Variants in CRHR2 observed in about 807,000 individuals in gnomAD.
CRHR2 encodes the protein corticotropin releasing hormone receptor 2, also known as corticotropin-releasing hormone receptor 2.
A neutral mutation model predicts 57.9 loss-of-function variants in CRHR2; 53 were observed. That is an observed-to-expected ratio of 0.92 (90% CI 0.73 to 1.15). The LOEUF is 1.15. Ranked by LOEUF, CRHR2 falls within the 50% of genes most tolerant of loss-of-function variation. CRHR2 has a pLI of 0.00. For synonymous variants in CRHR2, 213 were observed against 220.9 expected (o/e 0.96, Z 0.32); for missense variants, 532 against 542.6 (o/e 0.98, Z 0.19).
chr7:30,654,359 T>C (rs1783694399), intron 11 of CRHR2, among the ~76,000 whole-genome samples: 1 of 152,202 alleles, frequency 6.6e-6, no homozygotes, highest in African/African-American at 2.4e-5. Flanking sequence ...GCAAGTGGAA[T>C]GTGCTATCAT....
chr7:30,684,643 TGG>T (rs1008057874), upstream of CRHR2, among the ~76,000 whole-genome samples: 10 of 152,340 alleles, frequency 6.6e-5, no homozygotes, highest in African/African-American at 2.4e-4. Context: ...AATGAGCAGT[TGG>T]GGTCTGAGCA....
chr7:30,659,793 T>C (rs977971763), intron 8 of CRHR2, among the ~76,000 whole-genome samples: 3 of 152,340 alleles, frequency 2.0e-5, no homozygotes, highest in East Asian at 1.9e-4. Context: ...CAGGAGGAGA[T>C]GGCACTCTCG....
chr7:30,673,085 C>G (rs1076292), intron 2 of CRHR2, among the ~76,000 whole-genome samples: 75,911 of 152,134 alleles, frequency 0.5, 21,947 homozygotes, highest in Non-Finnish European at 0.65. Flanking sequence ...CCTTAGGGGC[C>G]AGATATCCCA....
chr7:30,672,447 C>T (rs1201797656), intron 2 of CRHR2, among the ~76,000 whole-genome samples: 3 of 152,246 alleles, frequency 2.0e-5, no homozygotes, highest in Non-Finnish European at 4.4e-5. Flanking sequence ...GCTGAGCACA[C>T]AGGATCTCAG....
intron 1 of CRHR2, among the ~76,000 whole-genome samples, chr7:30,693,218 G>A (rs1584144022): frequency 6.6e-6 from 1 of 152,316 alleles, no homozygotes; most frequent in Non-Finnish European, 1.5e-5. Context: ...TGGGTGACAG[G>A]AGTGTCGTTA....
intron 5 of CRHR2, among the ~76,000 whole-genome samples, 158 bp from the exon 6 acceptor site, chr7:30,663,005 C>T (rs577873280): frequency 7.9e-5 from 12 of 152,366 alleles, no homozygotes; most frequent in African/African-American, 2.9e-4. Context: ...CTTCATCCTT[C>T]TCCAGTGCTC....
rs745593805 is a variant in CRHR2 at position 30,662,176 on chromosome 7, C to G, written c.738G>C (p.Lys246Asn). The change falls in exon 7 of 12, where the codon AAG (lysine) becomes AAC (asparagine). Residue 246 changes from lysine (K) to asparagine (N), a missense_variant. Lys to Asn is a moderately conservative substitution (Grantham distance 94). Coordinates refer to ENST00000471646, the MANE Select transcript of CRHR2 (RefSeq NM_001883.5). ...CTTACTGTTCATTCTCATAGTAGAG[C>G]TTGCCGATGGCCCAGGCGACGATGA... ...FPIIVAWAIG[K>N]LYYENEQCWF... The G allele has an allele frequency of 3.1e-6, 5 of 1,614,156 alleles. No individual in the cohort carries two copies. The highest frequency in any genetic ancestry group is 4.2e-6 in the Non-Finnish European group (5 of 1,180,018).
rs946117918 is a variant in CRHR2, at chr7:30,689,301, A to G, written c.-260-17T>C. The G allele has an allele frequency of 1.9e-5, 29 of 1,546,448 alleles. No individual in the cohort carries two copies. In the African/African-American group the frequency reaches 3.7e-4, roughly 20 times the overall value. ...CCCGGCTGCCTAGGGGACAGCAAGG[A>G]TGAGGGTCAAAGATCAGGCCCAGGC... On this transcript the variant is annotated splice_polypyrimidine_tract_variant and intron_variant, in intron 1 of 13. Coordinates refer to the CRHR2 transcript ENST00000341843.
intron 2 of CRHR2, chr7:30,688,980 G>T (rs1407700100): frequency 1.5e-6 from 1 of 654,074 alleles, no homozygotes; most frequent in Non-Finnish European, 2.8e-6. Flanking sequence ...TCCCAGCCAA[G>T]CCCTTCATTA....
chr7:30,687,999 A>G (rs1293884247), intron 2 of CRHR2, among the ~76,000 whole-genome samples: 1 of 152,244 alleles, frequency 6.6e-6, no homozygotes, highest in Non-Finnish European at 1.5e-5. Flanking sequence ...ATGGTGTCAC[A>G]GGCTGAACTG....
chr7:30,680,055 A>G (rs1784648818), intron 2 of CRHR2, among the ~76,000 whole-genome samples: 1 of 152,126 alleles, frequency 6.6e-6, no homozygotes, highest in South Asian at 2.1e-4. Flanking sequence ...TGGTGCCCCA[A>G]CCTTTTATCA....
rs970010981 is a variant in CRHR2, at chr7:30,651,961, G to GCA, written c.*1497_*1498dup. 4.5e-4 allele frequency: 69 copies of GCA among 152,194 alleles called. No individual in the cohort carries two copies. The highest frequency in any genetic ancestry group is 1.5e-3 in the African/African-American group (61 of 41,528). The allele number at this position is 152,194 out of a possible 1,614,324, so 9.4% of individuals were successfully genotyped here. ...ATTTGATGTATTTTAAATTGTTGCA[G>GCA]CAGTTTTATTTAAAAATGTAAATAT... On this transcript the variant is annotated 3_prime_UTR_variant, in exon 12 of 12. Coordinates refer to ENST00000471646, the MANE Select transcript of CRHR2 (RefSeq NM_001883.5).
intron 2 of CRHR2, among the ~76,000 whole-genome samples, chr7:30,678,913 G>C (rs1386688427): frequency 6.6e-6 from 1 of 152,192 alleles, no homozygotes; most frequent in East Asian, 1.9e-4. Flanking sequence ...AGAGGACAGT[G>C]TGCTCCCAAA....
At chr7:30,679,698 C>T (rs368777871) in intron 2 of CRHR2, among the ~76,000 whole-genome samples, 48 of 152,146 alleles carry the variant, frequency 3.2e-4, no homozygotes, top group African/African-American at 1.0e-3. Flanking sequence ...GGAGCCTGAA[C>T]GCTCCTGTTC....
At chr7:30,699,583 T>G (rs1195121347) in intron 1 of CRHR2, 1 of 167,764 alleles carries the variant, frequency 6.0e-6, no homozygotes, top group African/African-American at 2.4e-5. Context: ...CAGGGAATCT[T>G]GGACCCTGAG....
At chr7:30,690,733 C>A (rs1463658544) in intron 1 of CRHR2, among the ~76,000 whole-genome samples, 1 of 152,204 alleles carries the variant, frequency 6.6e-6, no homozygotes, top group Non-Finnish European at 1.5e-5. Context: ...ATGAATGACC[C>A]CACCTGCTCA....
At chr7:30,670,053 C>A (rs1049612296) in intron 2 of CRHR2, among the ~76,000 whole-genome samples, 5 of 152,120 alleles carry the variant, frequency 3.3e-5, no homozygotes, top group African/African-American at 7.2e-5. Context: ...CCCTTCCCTT[C>A]TCTTGTAACG....
At chr7:30,691,860 G>A (rs1260204157) in intron 1 of CRHR2, among the ~76,000 whole-genome samples, 1 of 152,190 alleles carries the variant, frequency 6.6e-6, no homozygotes, top group Non-Finnish European at 1.5e-5. Flanking sequence ...GTGGTGATGG[G>A]TGGGCAGGGA....
intron 1 of CRHR2, among the ~76,000 whole-genome samples, chr7:30,690,775 C>T (rs758493375): frequency 6.6e-5 from 10 of 152,190 alleles, no homozygotes; most frequent in East Asian, 1.9e-4. Context: ...GCACCCCTCC[C>T]GGAAGCCTAG....
Sources: gnomAD v4.1 joint callset for allele counts (sites outside exome capture counted in the v4.1 genomes callset) on GRCh38, gnomAD v4.1.1 for gene constraint, MANE v1.5 for transcripts, NCBI Gene and HGNC (gene_info 2026-07-23, HGNC 2026-07-21) for gene names.